The following CCDC171 variants were observed in gnomAD, a reference collection of about 807,000 sequenced individuals.
CCDC171 encodes the protein coiled-coil domain-containing protein 171.
In CCDC171, 177 loss-of-function variants were observed where a neutral mutation model predicts 168.2. That is an observed-to-expected ratio of 1.05 (90% confidence interval 0.93 to 1.19). The LOEUF (loss-of-function observed/expected upper bound fraction) is 1.19. CCDC171 is among the 50% of genes most tolerant of loss of function. The pLI, the probability that CCDC171 is intolerant of heterozygous loss-of-function variation, is 0.00. For synonymous variants in CCDC171, 687 were observed against 540.8 expected (o/e 1.27, Z -3.75); for missense variants, 1,991 against 1,539.0 (o/e 1.29, Z -4.91).
rs769377316 is a variant in CCDC171, at chr9:15,623,469, G to GCGCGCGCGCGCGCGCGCA, written c.822+63_822+64insGCGCGCGCGCACGCGCGC. On this transcript the variant is annotated intron_variant, in intron 7 of 25. Coordinates refer to ENST00000380701, the MANE Select transcript of CCDC171 (RefSeq NM_173550.4). Reference sequence around the variant, plus strand: ...TGCGTACAAACTTTCACATATGCGCGCGCGCGCACACACACACACACACAC... The same window carrying GCGCGCGCGCGCGCGCGCA: ...TGCGTACAAACTTTCACATATGCGCGCGCGCGCGCGCGCGCGCACGCGCGCACACACACACACACACAC... The GCGCGCGCGCGCGCGCGCA allele has an allele frequency of 4.3e-4, 229 of 529,886 alleles. 15 individuals are homozygous for GCGCGCGCGCGCGCGCGCA. Among genetic ancestry groups the GCGCGCGCGCGCGCGCGCA allele is most frequent in the Non-Finnish European group, 4.5e-4 (151 of 332,116 alleles). The allele number at this position is 529,886 out of a possible 1,614,324, so 32.8% of individuals were successfully genotyped here.
At chr9:16,076,941 T>G in the CCDC171 span, among the ~76,000 whole-genome samples, 1 of 152,250 alleles carries the variant, frequency 6.6e-6, no homozygotes, top group East Asian at 1.9e-4. Context: ...ATTCATTACC[T>G]GGAGAATGGC....
intron 24 of CCDC171, among the ~76,000 whole-genome samples, chr9:15,899,498 G>A (rs147389577): frequency 6.6e-6 from 1 of 152,022 alleles, no homozygotes; most frequent in South Asian, 2.1e-4. Flanking sequence ...CCAGCACTTG[G>A]TGTTATCCCA....
At chr9:16,026,509 T>C (rs1833277418) in intron 6 of CCDC171, among the ~76,000 whole-genome samples, 1 of 152,136 alleles carries the variant, frequency 6.6e-6, no homozygotes, top group South Asian at 2.1e-4. Flanking sequence ...TTGACCCCTT[T>C]ATCCAGTGGG....
intron 21 of CCDC171, among the ~76,000 whole-genome samples, chr9:15,845,366 T>A (rs1322386353): frequency 6.6e-6 from 1 of 152,090 alleles, no homozygotes; most frequent in Non-Finnish European, 1.5e-5. Context: ...GTTTGTTTAA[T>A]TTTTTGATTT....
At position 15,815,419 on chromosome 9, in the gene CCDC171, CTT is replaced by C. The variant is rs59112774; in HGVS notation, c.3267+30741_3267+30742del. Reference sequence around the variant, plus strand: ...TTTTCACTTATTTTTACTTCTTTTACTTTTTTTTTTTTTTTTTACAAAGAATA... The same window carrying C: ...TTTTCACTTATTTTTACTTCTTTTACTTTTTTTTTTTTTTTACAAAGAATA... On this transcript the variant is annotated intron_variant, in intron 21 of 25. Coordinates refer to ENST00000380701, the MANE Select transcript of CCDC171 (RefSeq NM_173550.4). Among the ~76,000 whole-genome samples the C allele has an allele frequency of 3.7e-3, 313 of 83,880 alleles. 59 individuals are homozygous for C. Among genetic ancestry groups the C allele is most frequent in the African/African-American group, 8.8e-3 (188 of 21,374 alleles). The allele number at this position is 83,880 out of a possible 152,430, so 55.0% of individuals were successfully genotyped here.
chr9:15,861,414 C>G (rs1240884976), intron 23 of CCDC171, among the ~76,000 whole-genome samples: 2 of 151,618 alleles, frequency 1.3e-5, no homozygotes, highest in African/African-American at 2.4e-5. Context: ...TTTGGAATTC[C>G]TTAGTGCACA....
At chr9:15,626,398 C>G (rs988267860) in intron 7 of CCDC171, among the ~76,000 whole-genome samples, 14 of 152,132 alleles carry the variant, frequency 9.2e-5, no homozygotes, top group African/African-American at 3.4e-4. Context: ...GGCCAGTTTT[C>G]AAAGGGAATG....
intron 16 of CCDC171, among the ~76,000 whole-genome samples, chr9:15,731,880 A>G (rs1263418150): frequency 1.3e-5 from 2 of 151,982 alleles, no homozygotes; most frequent in African/African-American, 4.8e-5. Context: ...TTTAAATTTT[A>G]GTCATTATAG....
intron 6 of CCDC171, among the ~76,000 whole-genome samples, chr9:16,031,828 G>T (rs77663098): frequency 0.02 from 2,992 of 152,264 alleles, 182 homozygotes; most frequent in Admixed American, 0.13. Flanking sequence ...TGGACACCAT[G>T]GTCTGTGAGC....
intron 9 of CCDC171, among the ~76,000 whole-genome samples, chr9:15,674,767 G>A (rs2049391263): frequency 2.0e-5 from 3 of 152,162 alleles, no homozygotes; most frequent in African/African-American, 7.2e-5. Context: ...GCTGAGGAGT[G>A]TTTTATTTCC....
chr9:15,758,281 T>G (rs565484463), intron 18 of CCDC171, among the ~76,000 whole-genome samples: 29 of 152,340 alleles, frequency 1.9e-4, no homozygotes, highest in African/African-American at 5.8e-4. Flanking sequence ...GACCTGGATA[T>G]GAGACCTGGA....
At chr9:15,903,040 G>T (rs1170885713) in intron 24 of CCDC171, among the ~76,000 whole-genome samples, 2 of 152,168 alleles carry the variant, frequency 1.3e-5, no homozygotes, top group Admixed American at 1.3e-4. Flanking sequence ...CGGGAAGCTC[G>T]AACTGGGTGG....
At chr9:15,563,187 T>G (rs957593610) in intron 1 of CCDC171, among the ~76,000 whole-genome samples, 8 of 151,726 alleles carry the variant, frequency 5.3e-5, no homozygotes, top group Non-Finnish European at 1.0e-4. Flanking sequence ...TGGCCAGGCT[T>G]GAGTGCAATG....
intron 21 of CCDC171, among the ~76,000 whole-genome samples, chr9:15,806,121 C>T (rs1455487728): frequency 3.3e-5 from 5 of 151,976 alleles, no homozygotes; most frequent in African/African-American, 4.8e-5. Context: ...TTGAGCCTAC[C>T]TGTGTCTTTG....
Position 15,585,160 on chromosome 9 carries a change from C to T in CCDC171, c.352+6137C>T, listed in dbSNP as rs193259857. ...TTGTTAATGGGAGTGTAAAATGATA[C>T]AGCCACTTTAGAAAAAAACCTGGCC... On this transcript the variant is annotated intron_variant, in intron 4 of 25. Transcript: ENST00000380701. Among the ~76,000 whole-genome samples the T allele has an allele frequency of 6.6e-5, 10 of 152,230 alleles. No homozygotes were observed. In the East Asian group the frequency reaches 1.5e-3, roughly 24 times the overall value.
In CCDC171 at chr9:15,721,820, G is replaced by GATTGAGGCGTACCTTGAC. The variant is rs2053500433; in HGVS notation, c.1372_1389dup (p.Leu458_Thr463dup). 2 of 1,569,084 alleles carry GATTGAGGCGTACCTTGAC rather than the reference G, an allele frequency of 1.3e-6. No individual in the cohort carries two copies. Among genetic ancestry groups the GATTGAGGCGTACCTTGAC allele is most frequent in the Admixed American group, 1.8e-5 (1 of 55,032 alleles). On this transcript the variant is annotated inframe_insertion, in exon 12 of 26. Coordinates refer to ENST00000380701, the MANE Select transcript of CCDC171 (RefSeq NM_173550.4). ...CCCAGCTTCTCTGTTGTCCTTGAGAGATTGAGGCGTACCTTGACAGATTAC... is the reference window on the plus strand; with the variant it reads ...CCCAGCTTCTCTGTTGTCCTTGAGAGATTGAGGCGTACCTTGACATTGAGGCGTACCTTGACAGATTAC...
intron 25 of CCDC171, among the ~76,000 whole-genome samples, chr9:15,926,073 A>T: frequency 6.6e-6 from 1 of 150,532 alleles, no homozygotes; most frequent in East Asian, 2.0e-4. Context: ...ATATAAAAAA[A>T]TCTGTGGATG....
chr9:15,888,356 C>G (rs1249018314), intron 24 of CCDC171, among the ~76,000 whole-genome samples: 1 of 152,096 alleles, frequency 6.6e-6, no homozygotes, highest in Admixed American at 6.6e-5. Context: ...TGTTCAACAA[C>G]TTTAGTGTTT....
At chr9:15,702,221 G>C (rs1042862415) in intron 11 of CCDC171, among the ~76,000 whole-genome samples, 1 of 152,084 alleles carries the variant, frequency 6.6e-6, no homozygotes, top group Admixed American at 6.5e-5. Flanking sequence ...GCTGTCATCC[G>C]TATGAGCTGT....
Sources: allele counts gnomAD v4.1 joint callset (sites outside exome capture counted in the v4.1 genomes callset), GRCh38; gene constraint gnomAD v4.1.1; transcripts MANE v1.5; gene names NCBI Gene and HGNC (gene_info 2026-07-23, HGNC 2026-07-21).